The following KIAA1549L variants were observed in gnomAD, a reference collection of about 807,000 sequenced individuals.
KIAA1549L encodes the protein KIAA1549 like, also known as UPF0606 protein KIAA1549L.
A neutral mutation model predicts 160.7 loss-of-function variants in KIAA1549L; 88 were observed. The observed-to-expected ratio is 0.55, with a 90% CI of 0.46 to 0.65. KIAA1549L has a LOEUF of 0.65. Among genes scored for constraint, KIAA1549L ranks in the 30% least tolerant of loss-of-function variants. The pLI, the probability that KIAA1549L is intolerant of heterozygous loss-of-function variation, is 0.00. For missense variants in KIAA1549L, 2,258 were observed against 2,437.5 expected (o/e 0.93, Z 1.55); for synonymous variants, 950 against 976.7 (o/e 0.97, Z 0.51).
At chr11:33,457,200 C>T (rs1237603666) in intron 1 of KIAA1549L, among the ~76,000 whole-genome samples, 1 of 152,172 alleles carries the variant, frequency 6.6e-6, no homozygotes, top group Non-Finnish European at 1.5e-5. Flanking sequence ...ATAGGCAGCA[C>T]ACTGACCTCC....
chr11:33,414,634 A>G (rs1565126744), intron 1 of KIAA1549L, among the ~76,000 whole-genome samples: 1 of 152,208 alleles, frequency 6.6e-6, no homozygotes, highest in South Asian at 2.1e-4. Context: ...ATTCCTTCAC[A>G]CCCTTGCAAT....
In KIAA1549L at chr11:33,499,589, A is replaced by G. The variant is rs113836303; in HGVS notation, c.239-42213A>G. On this transcript the variant is annotated intron_variant, in intron 1 of 20. Transcript: ENST00000658780. ...GAGGCTCACTGTTCCCTGAAGCCAGAGTGAACACCCCCATCTCTCCGTCTG... is the reference window on the plus strand; with the variant it reads ...GAGGCTCACTGTTCCCTGAAGCCAGGGTGAACACCCCCATCTCTCCGTCTG... Among the ~76,000 whole-genome samples the G allele has an allele frequency of 1.4e-3, 213 of 152,352 alleles. 4 individuals carry two copies. The highest frequency in any genetic ancestry group is 4.8e-3 in the African/African-American group (201 of 41,588).
In KIAA1549L at chr11:33,544,757, C is replaced by G; in HGVS notation, c.2774-10C>G. On this transcript the variant is annotated splice_polypyrimidine_tract_variant and intron_variant, in intron 2 of 20. Coordinates refer to ENST00000658780, the MANE Select transcript of KIAA1549L (RefSeq NM_012194.3). ...GCCAATGACAAACTTTGTTTTTTCT[C>G]TCTTTACAGCGGACACAGTATCATC... is the stretch of plus-strand genomic sequence containing the variant. 1 of 1,564,076 alleles carries G rather than the reference C, an allele frequency of 6.4e-7. No homozygotes were observed. The highest frequency in any genetic ancestry group is 8.7e-7 in the Non-Finnish European group (1 of 1,154,672).
At chr11:33,660,534 C>T (rs1354684337) in intron 19 of KIAA1549L, among the ~76,000 whole-genome samples, 3 of 151,726 alleles carry the variant, frequency 2.0e-5, no homozygotes, top group Admixed American at 6.6e-5. Flanking sequence ...CACTGCACTC[C>T]AGCCTGGGCG....
chr11:33,420,704 G>A (rs1850993603), intron 1 of KIAA1549L, among the ~76,000 whole-genome samples: 1 of 152,168 alleles, frequency 6.6e-6, no homozygotes. Flanking sequence ...AATGGCCATG[G>A]TTAATAAATA....
At chr11:33,614,580 ATATAT>A (rs1850756300) in intron 15 of KIAA1549L, among the ~76,000 whole-genome samples, 19 of 7,682 alleles carry the variant, frequency 2.5e-3, no homozygotes, top group South Asian at 6.3e-3. Context: ...ATATATATAT[ATATAT>A]TTTTTTTTTT....
intron 1 of KIAA1549L, among the ~76,000 whole-genome samples, chr11:33,512,350 T>TA (rs985727181): frequency 7.2e-5 from 11 of 152,360 alleles, no homozygotes; most frequent in African/African-American, 2.6e-4. Flanking sequence ...AAAAAGTTTT[T>TA]ACCTTTTAAT....
At chr11:33,400,950 C>T (rs1850486276) in intron 1 of KIAA1549L, among the ~76,000 whole-genome samples, 1 of 152,110 alleles carries the variant, frequency 6.6e-6, no homozygotes, top group Non-Finnish European at 1.5e-5. Flanking sequence ...TGGATCTGTC[C>T]TTCTGAACCC....
Position 33,542,475 on chromosome 11 carries a change from A to C in KIAA1549L, c.912A>C (p.Gln304His), listed in dbSNP as rs765136665. Reference protein sequence around the residue: ...FSDEMDHTASQNAQDLIGIPH... With the variant: ...FSDEMDHTASHNAQDLIGIPH... ...ATGAAATGGACCACACTGCATCCCAAAATGCCCAGGATCTCATAGGCATCC... is the reference window on the plus strand; with the variant it reads ...ATGAAATGGACCACACTGCATCCCACAATGCCCAGGATCTCATAGGCATCC... Residue 304 changes from glutamine (Q) to histidine (H), a missense_variant, in exon 2 of 21, where the codon CAA becomes CAC. Physicochemically the swap from Gln to His is conservative, Grantham distance 24. Coordinates refer to ENST00000658780, the MANE Select transcript of KIAA1549L (RefSeq NM_012194.3). 2.5e-6 allele frequency: 4 copies of C among 1,612,994 alleles called. No individual in the cohort carries two copies. Among genetic ancestry groups the C allele is most frequent in the Non-Finnish European group, 3.4e-6 (4 of 1,179,384 alleles).
chr11:33,450,353 T>C (rs1025187843), intron 1 of KIAA1549L, among the ~76,000 whole-genome samples: 7 of 152,022 alleles, frequency 4.6e-5, no homozygotes, highest in African/African-American at 1.2e-4. Context: ...AGCCCAGGAA[T>C]TTGAGACCAG....
chr11:33,391,288 C>T (rs937412492), intron 1 of KIAA1549L, among the ~76,000 whole-genome samples: 16 of 152,154 alleles, frequency 1.1e-4, no homozygotes, highest in African/African-American at 2.7e-4. Flanking sequence ...TTTTCTGGCA[C>T]GGAAAGGTGA....
chr11:33,378,890 G>A lies in KIAA1549L; in HGVS notation c.238+2001G>A, dbSNP rs1159283478. Among the ~76,000 whole-genome samples the A allele has an allele frequency of 2.6e-5, 4 of 152,184 alleles. No individual in the cohort carries two copies. The East Asian group carries it at 7.7e-4, about 29-fold the overall frequency. On this transcript the variant is annotated intron_variant, in intron 1 of 20. Coordinates refer to ENST00000658780, the MANE Select transcript of KIAA1549L (RefSeq NM_012194.3). ...GGCAGTTTCACCCCAGGGTAGGTGAGTCCTGGGCCTAATGCAGGGCATCCT... is the reference window on the plus strand; with the variant it reads ...GGCAGTTTCACCCCAGGGTAGGTGAATCCTGGGCCTAATGCAGGGCATCCT...
At chr11:33,633,467 C>T (rs1851357175) in intron 16 of KIAA1549L, among the ~76,000 whole-genome samples, 1 of 151,962 alleles carries the variant, frequency 6.6e-6, no homozygotes. Context: ...CTGGTTTTTT[C>T]AAGAGCTGAA....
chr11:33,417,948 T>G (rs547979927), intron 1 of KIAA1549L, among the ~76,000 whole-genome samples: 6 of 152,258 alleles, frequency 3.9e-5, no homozygotes, highest in African/African-American at 1.2e-4. Flanking sequence ...CAGCTAATTT[T>G]TTATATTTTT....
chr11:33,495,083 T>TTTATTA (rs367711015), intron 1 of KIAA1549L, among the ~76,000 whole-genome samples: 1 of 151,898 alleles, frequency 6.6e-6, no homozygotes, highest in Non-Finnish European at 1.5e-5. Context: ...CATTTGCTAC[T>TTTATTA]TTATTATTAT....
At chr11:33,498,593 C>T (rs1852873355) in intron 1 of KIAA1549L, among the ~76,000 whole-genome samples, 1 of 152,196 alleles carries the variant, frequency 6.6e-6, no homozygotes, top group African/African-American at 2.4e-5. Flanking sequence ...CAGCCGACTT[C>T]ATCCCAGCAA....
At chr11:33,571,627 C>A (rs1009110801) in intron 9 of KIAA1549L, among the ~76,000 whole-genome samples, 1 of 152,062 alleles carries the variant, frequency 6.6e-6, no homozygotes, top group Non-Finnish European at 1.5e-5. Context: ...GGAGGCTCCA[C>A]GCACATTAAA....
At chr11:33,639,555 T>A (rs1205154781) in intron 16 of KIAA1549L, among the ~76,000 whole-genome samples, 7 of 152,186 alleles carry the variant, frequency 4.6e-5, no homozygotes, top group Admixed American at 3.9e-4. Context: ...TATTATTATT[T>A]TTGAGATGGA....
intron 1 of KIAA1549L, among the ~76,000 whole-genome samples, chr11:33,427,580 G>C (rs1221103025): frequency 1.3e-5 from 2 of 152,050 alleles, no homozygotes; most frequent in Non-Finnish European, 2.9e-5. Flanking sequence ...CTTACAGGCT[G>C]TCTCCGGTTC....
Sources: gnomAD v4.1 joint callset for allele counts (sites outside exome capture counted in the v4.1 genomes callset) on GRCh38, gnomAD v4.1.1 for gene constraint, MANE v1.5 for transcripts, NCBI Gene and HGNC (gene_info 2026-07-23, HGNC 2026-07-21) for gene names.